The following ITPK1 variants were observed in gnomAD, a reference collection of about 807,000 sequenced individuals.
ITPK1 encodes inositol 1,3,4-trisphosphate 5/6-kinase.
Under a neutral mutation model 45.3 loss-of-function variants are expected in ITPK1, and 21 were observed. The ratio of observed to expected loss-of-function variants is 0.46; its 90% CI spans 0.33 to 0.67. ITPK1 has a LOEUF of 0.67. Among genes scored for constraint, ITPK1 ranks in the 30% least tolerant of loss-of-function variants. The pLI is 0.02. For synonymous variants in ITPK1, 258 were observed against 253.6 expected, an observed-to-expected ratio of 1.02 and a Z score of -0.16; for missense variants, 474 against 573.5, an observed-to-expected ratio of 0.83 and a Z score of 1.77.
intron 3 of ITPK1, among the ~76,000 whole-genome samples, chr14:93,020,771 T>G (rs1247025337): frequency 6.6e-6 from 1 of 152,186 alleles, no homozygotes; most frequent in East Asian, 1.9e-4. Flanking sequence ...GAGGGCTGTG[T>G]GGCCACCGCC....
chr14:92,970,871 G>A (rs1273147366), intron 5 of ITPK1, among the ~76,000 whole-genome samples: 5 of 152,082 alleles, frequency 3.3e-5, no homozygotes, highest in East Asian at 3.9e-4. Flanking sequence ...TCCTGACCCC[G>A]TGATCCGCCC....
intron 4 of ITPK1, among the ~76,000 whole-genome samples, chr14:93,009,886 C>T (rs1377949152): frequency 6.6e-6 from 1 of 152,166 alleles, no homozygotes; most frequent in Non-Finnish European, 1.5e-5. Context: ...TCACCAAAGC[C>T]CCTCCGAGCT....
In ITPK1 at chr14:92,993,899, C is replaced by A; in HGVS notation, c.345G>T (p.Lys115Asn). 1 of 1,611,764 alleles carries A rather than the reference C, an allele frequency of 6.2e-7. No homozygotes were observed. Residue 115 changes from lysine (K) to asparagine (N), a missense_variant, in exon 5 of 11, where the codon AAG becomes AAT. Physicochemically the swap from Lys to Asn is moderately conservative, Grantham distance 94 (BLOSUM62 0). Coordinates refer to ENST00000267615, the MANE Select transcript of ITPK1 (RefSeq NM_014216.6). ...CCCTACCTTCCATGTAGGCCTCAAT[C>A]TTCCGGATGAGCTCATAGGACTTGG... ...DRSKSYELIR[K>N]IEAYMEDDRI...
rs546168156 is a variant in ITPK1, at chr14:93,037,807, A to C, written c.121-21006T>G. Among the ~76,000 whole-genome samples, 68 of 152,348 alleles carry C rather than the reference A, an allele frequency of 4.5e-4. 2 individuals carry two copies. The highest frequency in any genetic ancestry group is 2.3e-3 in the South Asian group (11 of 4,820). ...ATAAAGTAATACAGCTTTTCAAAAA[A>C]ACTGTCTTTTTTCTCTGATCAAATT... On this transcript the variant is annotated intron_variant, in intron 3 of 10. Coordinates refer to ENST00000267615, the MANE Select transcript of ITPK1 (RefSeq NM_014216.6).
At chr14:93,015,251 C>A (rs533405455) in intron 4 of ITPK1, among the ~76,000 whole-genome samples, 19 of 152,314 alleles carry the variant, frequency 1.2e-4, no homozygotes, top group African/African-American at 4.3e-4. Context: ...ACAAGCTGCA[C>A]ATGCTTCCAC....
chr14:92,999,843 C>T (rs372896543), intron 4 of ITPK1, among the ~76,000 whole-genome samples: 8 of 152,240 alleles, frequency 5.3e-5, no homozygotes, highest in African/African-American at 1.9e-4. Context: ...GGTTGTGCAA[C>T]GATCAGCTCA....
chr14:93,082,070 C>T (rs1225807363), intron 2 of ITPK1, among the ~76,000 whole-genome samples: 3 of 151,900 alleles, frequency 2.0e-5, no homozygotes, highest in Non-Finnish European at 4.4e-5. Flanking sequence ...TCCACAAGAG[C>T]GACTCCATGT....
intron 4 of ITPK1, among the ~76,000 whole-genome samples, chr14:92,996,710 G>C (rs975663400): frequency 3.3e-5 from 5 of 152,164 alleles, no homozygotes; most frequent in Non-Finnish European, 7.3e-5. Context: ...TATAGTCCTG[G>C]CTAGCAAGTT....
At chr14:93,047,115 C>G (rs549730972) in intron 3 of ITPK1, among the ~76,000 whole-genome samples, 1 of 152,246 alleles carries the variant, frequency 6.6e-6, no homozygotes, top group East Asian at 1.9e-4. Context: ...TCAGGCCAAG[C>G]CGGGCTGCTG....
At chr14:93,095,920 T>C (rs1175246905) in intron 2 of ITPK1, among the ~76,000 whole-genome samples, 3 of 152,190 alleles carry the variant, frequency 2.0e-5, no homozygotes, top group East Asian at 1.9e-4. Flanking sequence ...CTGCAAAGGA[T>C]GGGGTTGTGT....
Position 93,040,320 on chromosome 14 carries a change from C to G in ITPK1, c.121-23519G>C, listed in dbSNP as rs183836150. On this transcript the variant is annotated intron_variant, in intron 3 of 10. Transcript: ENST00000267615. ...TTGCTTCCTCCTATGAAAGCAGGGC[C>G]TCGGCCCAATGTCCTTCACTGTGGC... Among the ~76,000 whole-genome samples the G allele has an allele frequency of 5.3e-5, 8 of 152,286 alleles. No individual in the cohort carries two copies. The East Asian group carries it at 1.5e-3, about 29-fold the overall frequency.
At chr14:93,082,553 C>T (rs1202744962) in intron 2 of ITPK1, among the ~76,000 whole-genome samples, 1 of 152,232 alleles carries the variant, frequency 6.6e-6, no homozygotes, top group Non-Finnish European at 1.5e-5. Context: ...CAGTACCTGG[C>T]TCATGCCAGG....
chr14:93,085,681 T>C (rs576761635), intron 2 of ITPK1, among the ~76,000 whole-genome samples: 1 of 152,314 alleles, frequency 6.6e-6, no homozygotes, highest in African/African-American at 2.4e-5. Context: ...CAAGGCAGTG[T>C]TCTGCCACAT....
intron 4 of ITPK1, among the ~76,000 whole-genome samples, chr14:93,006,228 C>T (rs1887607573): frequency 1.3e-5 from 2 of 152,212 alleles, no homozygotes; most frequent in South Asian, 2.1e-4. Context: ...GTCCCAGGCC[C>T]AACAAGGGGT....
intron 3 of ITPK1, among the ~76,000 whole-genome samples, chr14:93,046,548 C>T (rs1446400827): frequency 6.8e-6 from 1 of 146,974 alleles, no homozygotes; most frequent in African/African-American, 2.6e-5. Flanking sequence ...GCTTCAAGAC[C>T]TTCAGAAAAA....
intron 5 of ITPK1, among the ~76,000 whole-genome samples, chr14:92,967,876 A>G (rs1224750707): frequency 6.6e-6 from 1 of 152,206 alleles, no homozygotes; most frequent in African/African-American, 2.4e-5. Context: ...AGACAAAAAA[A>G]GAGATTAATG....
intron 5 of ITPK1, among the ~76,000 whole-genome samples, chr14:92,989,298 C>T (rs1054886535): frequency 1.3e-5 from 2 of 152,128 alleles, no homozygotes; most frequent in African/African-American, 4.8e-5. Flanking sequence ...CCCAAACAGG[C>T]CATCTGTCAC....
At chr14:92,954,510 C>T (rs1456355715) in intron 8 of ITPK1, among the ~76,000 whole-genome samples, 2 of 152,236 alleles carry the variant, frequency 1.3e-5, no homozygotes, top group African/African-American at 4.8e-5. Context: ...GTGCCCCATG[C>T]AGTCTGTTCC....
At chr14:92,987,317 C>A (rs890455820) in intron 5 of ITPK1, among the ~76,000 whole-genome samples, 3 of 152,074 alleles carry the variant, frequency 2.0e-5, no homozygotes, top group African/African-American at 4.8e-5. Flanking sequence ...GGAAAGGGGA[C>A]GGGGCAGTGT....
Sources: allele counts gnomAD v4.1 joint callset (sites outside exome capture counted in the v4.1 genomes callset), GRCh38; gene constraint gnomAD v4.1.1; transcripts MANE v1.5; gene names NCBI Gene and HGNC (gene_info 2026-07-23, HGNC 2026-07-21).